The following ASTN1 variants were observed in gnomAD, a reference collection of about 807,000 sequenced individuals.
ASTN1 encodes astrotactin-1.
In ASTN1, 41 loss-of-function variants were observed where a neutral mutation model predicts 140.7. That is an observed-to-expected ratio of 0.29 (90% CI 0.23 to 0.38). The LOEUF (loss-of-function observed/expected upper bound fraction) is 0.38, where lower values mean the gene tolerates loss of function less well. Ranked by LOEUF, ASTN1 falls within the 10% of genes least tolerant of loss-of-function variation. The pLI is 1.00. For missense variants in ASTN1, 1,479 were observed against 1,678.8 expected (o/e 0.88, Z 2.08); for synonymous variants, 640 against 652.2 (o/e 0.98, Z 0.29).
intron 12 of ASTN1, 59 bp from the exon 13 acceptor site, chr1:176,946,179 G>C: frequency 2.8e-6 from 4 of 1,411,032 alleles, no homozygotes; most frequent in Non-Finnish European, 3.8e-6. Flanking sequence ...ATGCAGGCAA[G>C]TCAACCCCGT....
intron 20 of ASTN1, 74 bp downstream of exon 20, chr1:176,882,785 T>C (rs1668861183): frequency 3.8e-6 from 6 of 1,582,902 alleles, no homozygotes; most frequent in Non-Finnish European, 5.2e-6. Flanking sequence ...GGAACTCAAG[T>C]AGCAAGAAGA....
chr1:177,042,486 T>C (rs1250720898), intron 2 of ASTN1, among the ~76,000 whole-genome samples: 2 of 152,198 alleles, frequency 1.3e-5, no homozygotes, highest in Non-Finnish European at 2.9e-5. Flanking sequence ...TGTGCTTAAC[T>C]CTTCCTCCAA....
chr1:176,963,856 C>T (rs888210626), intron 9 of ASTN1, among the ~76,000 whole-genome samples: 1 of 152,142 alleles, frequency 6.6e-6, no homozygotes, highest in African/African-American at 2.4e-5. Context: ...AAGTTTAATG[C>T]CCATGTCACA....
chr1:177,115,697 A>AATAAATGT (rs1464358949), intron 1 of ASTN1, among the ~76,000 whole-genome samples: 1 of 150,754 alleles, frequency 6.6e-6, no homozygotes, highest in African/African-American at 2.4e-5. Context: ...TAAATAAATA[A>AATAAATGT]ATGTCATGAA....
chr1:176,984,655 T>C (rs911780532), intron 8 of ASTN1, among the ~76,000 whole-genome samples: 3 of 152,196 alleles, frequency 2.0e-5, no homozygotes, highest in Non-Finnish European at 4.4e-5. Context: ...TATTTTGAAA[T>C]GGTGATAAGC....
At chr1:176,956,354 T>A (rs1469102335) in intron 11 of ASTN1, among the ~76,000 whole-genome samples, 1 of 152,144 alleles carries the variant, frequency 6.6e-6, no homozygotes, top group African/African-American at 2.4e-5. Context: ...GCCTTAGGGC[T>A]GGGAGCACTC....
At chr1:176,924,193 T>C (rs1442351482) in intron 16 of ASTN1, among the ~76,000 whole-genome samples, 1 of 152,130 alleles carries the variant, frequency 6.6e-6, no homozygotes, top group Non-Finnish European at 1.5e-5. Flanking sequence ...TAGGCTTCTC[T>C]TTTTTCCACA....
chr1:176,972,299 T>C (rs1673170964), intron 8 of ASTN1, among the ~76,000 whole-genome samples: 1 of 152,162 alleles, frequency 6.6e-6, no homozygotes, highest in Non-Finnish European at 1.5e-5. Context: ...GCCAGCAGTA[T>C]TCAGAGCCCA....
At chr1:177,092,840 GT>G (rs1679824603) in intron 1 of ASTN1, among the ~76,000 whole-genome samples, 1 of 152,164 alleles carries the variant, frequency 6.6e-6, no homozygotes, top group Non-Finnish European at 1.5e-5. Context: ...CTTCTAGGCT[GT>G]AAAGTGATAT....
chr1:177,132,212 CAT>C (rs1175903493), intron 1 of ASTN1, among the ~76,000 whole-genome samples: 1 of 152,168 alleles, frequency 6.6e-6, no homozygotes, highest in Non-Finnish European at 1.5e-5. Flanking sequence ...TTTCTAAAAA[CAT>C]GTGAACAAAG....
At chr1:177,135,621 G>A (rs1682157487) in intron 1 of ASTN1, among the ~76,000 whole-genome samples, 1 of 152,158 alleles carries the variant, frequency 6.6e-6, no homozygotes, top group Non-Finnish European at 1.5e-5. Flanking sequence ...ACGGGAAGAG[G>A]GGAAAGCAGG....
intron 7 of ASTN1, among the ~76,000 whole-genome samples, chr1:177,017,551 T>C (rs2101944971): frequency 6.6e-6 from 1 of 152,334 alleles, no homozygotes; most frequent in African/African-American, 2.4e-5. Context: ...ACAAGGGTGT[T>C]GGATGCCCTC....
At chr1:177,015,331 G>A (rs992003621) in intron 7 of ASTN1, among the ~76,000 whole-genome samples, 1 of 152,144 alleles carries the variant, frequency 6.6e-6, no homozygotes, top group Admixed American at 6.5e-5. Flanking sequence ...ATGCTAATGG[G>A]AAAAACAGCC....
intron 8 of ASTN1, among the ~76,000 whole-genome samples, chr1:177,009,146 C>T (rs929698878): frequency 1.3e-4 from 20 of 152,120 alleles, no homozygotes; most frequent in African/African-American, 4.6e-4. Context: ...CAGTCACTGC[C>T]CTAAGATGGT....
chr1:177,034,073 A>G (rs915014762), intron 2 of ASTN1, among the ~76,000 whole-genome samples: 1 of 152,148 alleles, frequency 6.6e-6, no homozygotes, highest in African/African-American at 2.4e-5. Context: ...AAAATCCGCT[A>G]CTAATTCCCA....
At chr1:176,918,004 A>G (rs1005671538) in intron 16 of ASTN1, among the ~76,000 whole-genome samples, 1 of 152,142 alleles carries the variant, frequency 6.6e-6, no homozygotes, top group Admixed American at 6.5e-5. Flanking sequence ...ATAGTACTTT[A>G]TTATTCTCTA....
chr1:177,029,266 G>A, intron 5 of ASTN1: 1 of 474,152 alleles, frequency 2.1e-6, no homozygotes, highest in South Asian at 1.6e-5. Context: ...AGGAAGCAGG[G>A]GTACATATAG....
At chr1:176,934,831 G>T (rs1449721593) in intron 15 of ASTN1, among the ~76,000 whole-genome samples, 1 of 152,096 alleles carries the variant, frequency 6.6e-6, no homozygotes, top group Non-Finnish European at 1.5e-5. Flanking sequence ...GATACAAAAT[G>T]TATTCTAACT....
intron 1 of ASTN1, 58 bp from the exon 2 acceptor site, chr1:177,061,323 C>A: frequency 1.4e-6 from 2 of 1,417,464 alleles, no homozygotes; most frequent in Non-Finnish European, 1.9e-6. Context: ...AGTTTTTCAT[C>A]TTCTTCCTCG....
Sources: allele counts gnomAD v4.1 joint callset (sites outside exome capture counted in the v4.1 genomes callset), GRCh38; gene constraint gnomAD v4.1.1; transcripts MANE v1.5; gene names NCBI Gene and HGNC (gene_info 2026-07-23, HGNC 2026-07-21).